The following NKAIN2 variants were observed in gnomAD, a reference collection of about 807,000 sequenced individuals.
The protein encoded by NKAIN2 is sodium/potassium-transporting ATPase subunit beta-1-interacting protein 2.
NKAIN2 carries 14 observed loss-of-function variants against 32.6 expected under a neutral mutation model. That is an observed-to-expected ratio of 0.43 (90% confidence interval 0.28 to 0.67). The LOEUF (loss-of-function observed/expected upper bound fraction) is 0.67, where lower values mean the gene tolerates loss of function less well. Among genes scored for constraint, NKAIN2 ranks in the 30% least tolerant of loss-of-function variants. The pLI, the probability that NKAIN2 is intolerant of heterozygous loss-of-function variation, is 0.17. For missense variants in NKAIN2, 198 were observed against 258.3 expected, an observed-to-expected ratio of 0.77 and a Z score of 1.60; for synonymous variants, 80 against 87.2, an observed-to-expected ratio of 0.92 and a Z score of 0.46.
chr6:124,041,854 C>T (rs1781888232), intron 1 of NKAIN2, among the ~76,000 whole-genome samples: 1 of 151,996 alleles, frequency 6.6e-6, no homozygotes, highest in South Asian at 2.1e-4. Context: ...TAATCAATAG[C>T]TACTCATTGA....
intron 2 of NKAIN2, among the ~76,000 whole-genome samples, chr6:124,329,940 C>G (rs9482537): frequency 0.1 from 15,112 of 149,660 alleles, 764 homozygotes; most frequent in African/African-American, 0.12. Context: ...AATCCATACT[C>G]AGAATATTTC....
intron 4 of NKAIN2, among the ~76,000 whole-genome samples, chr6:124,725,957 T>G (rs554833379): frequency 7.8e-4 from 118 of 152,252 alleles, no homozygotes; most frequent in African/African-American, 2.8e-3. Flanking sequence ...GACGGCACCT[T>G]GAAAATTGGG....
intron 4 of NKAIN2, among the ~76,000 whole-genome samples, chr6:124,724,205 C>T (rs551948894): frequency 9.2e-4 from 140 of 152,166 alleles, no homozygotes; most frequent in African/African-American, 3.1e-3. Context: ...TAAGCCCCTA[C>T]GTTGCTTTTA....
At chr6:124,201,378 G>T (rs942920669) in intron 1 of NKAIN2, among the ~76,000 whole-genome samples, 2 of 151,932 alleles carry the variant, frequency 1.3e-5, no homozygotes, top group East Asian at 3.9e-4. Context: ...AGTTTTAAAG[G>T]CATCCTTTAG....
intron 3 of NKAIN2, among the ~76,000 whole-genome samples, chr6:124,374,870 T>C (rs1799915802): frequency 6.6e-6 from 1 of 152,104 alleles, no homozygotes; most frequent in African/African-American, 2.4e-5. Context: ...GATAATAATA[T>C]ATTAATAGTT....
intron 3 of NKAIN2, among the ~76,000 whole-genome samples, chr6:124,655,276 A>G (rs1325374366): frequency 6.6e-6 from 1 of 152,086 alleles, no homozygotes; most frequent in Non-Finnish European, 1.5e-5. Context: ...TCAGTTCTGA[A>G]TTGAGTATCC....
chr6:124,351,913 G>A (rs139687160), intron 2 of NKAIN2, among the ~76,000 whole-genome samples: 3,572 of 152,112 alleles, frequency 0.023, 73 homozygotes, highest in Non-Finnish European at 0.04. Flanking sequence ...GAGCCACCGC[G>A]CCCGACCCTA....
intron 3 of NKAIN2, among the ~76,000 whole-genome samples, chr6:124,385,712 T>C (rs1387738619): frequency 6.6e-6 from 1 of 152,094 alleles, no homozygotes; most frequent in East Asian, 1.9e-4. Flanking sequence ...CATCTATCTT[T>C]ATGTTCTATA....
chr6:124,660,088 A>G (rs913501633), intron 4 of NKAIN2, among the ~76,000 whole-genome samples: 2 of 152,180 alleles, frequency 1.3e-5, no homozygotes, highest in Non-Finnish European at 2.9e-5. Flanking sequence ...AATCATTATC[A>G]CATGAGAAAA....
At chr6:124,054,404 G>C (rs772897043) in intron 1 of NKAIN2, among the ~76,000 whole-genome samples, 1 of 152,030 alleles carries the variant, frequency 6.6e-6, no homozygotes, top group Non-Finnish European at 1.5e-5. Flanking sequence ...TTGAGAATTG[G>C]ACCAAGGGCC....
intron 4 of NKAIN2, among the ~76,000 whole-genome samples, chr6:124,682,079 A>G (rs1358401799): frequency 6.6e-6 from 1 of 152,134 alleles, no homozygotes; most frequent in Non-Finnish European, 1.5e-5. Context: ...TCAAGTTCCA[A>G]AAATATTTCT....
chr6:124,664,647 A>G (rs568721738), intron 4 of NKAIN2, among the ~76,000 whole-genome samples: 200 of 150,238 alleles, frequency 1.3e-3, no homozygotes, highest in Non-Finnish European at 2.1e-3. Flanking sequence ...ACAAAAAATT[A>G]GCCGGGCGTA....
chr6:124,333,699 A>G (rs111922189), intron 2 of NKAIN2, among the ~76,000 whole-genome samples: 4,507 of 152,000 alleles, frequency 0.03, 100 homozygotes, highest in African/African-American at 0.055. Flanking sequence ...AAATAAATAA[A>G]ATAAACTTAA....
intron 4 of NKAIN2, among the ~76,000 whole-genome samples, chr6:124,783,802 A>G (rs377066710): frequency 1.5e-4 from 23 of 152,330 alleles, no homozygotes; most frequent in African/African-American, 5.3e-4. Context: ...GCAAGTAAAA[A>G]TCATCTGCAA....
chr6:123,935,718 T>C (rs1157985909), intron 1 of NKAIN2, among the ~76,000 whole-genome samples: 2 of 152,096 alleles, frequency 1.3e-5, no homozygotes, highest in East Asian at 3.9e-4. Context: ...TAAAAGGTCT[T>C]TAAGTTCTAA....
chr6:124,417,795 G>T (rs1482945861), intron 3 of NKAIN2, among the ~76,000 whole-genome samples: 2 of 152,100 alleles, frequency 1.3e-5, no homozygotes, highest in South Asian at 2.1e-4. Flanking sequence ...AAATTCCAGG[G>T]TCTCTTTCAC....
intron 1 of NKAIN2, among the ~76,000 whole-genome samples, chr6:124,169,412 G>A (rs747708964): frequency 6.6e-6 from 1 of 152,116 alleles, no homozygotes; most frequent in Non-Finnish European, 1.5e-5. Context: ...AAAATGCCAA[G>A]CAGTGGGATT....
chr6:123,804,865 T>C (rs1773150667), intron 1 of NKAIN2, among the ~76,000 whole-genome samples: 1 of 152,188 alleles, frequency 6.6e-6, no homozygotes, highest in Non-Finnish European at 1.5e-5. Flanking sequence ...AACACCATTG[T>C]CATAGACGGA....
At chr6:124,507,390 A>C (rs542329388) in intron 3 of NKAIN2, among the ~76,000 whole-genome samples, 2 of 152,340 alleles carry the variant, frequency 1.3e-5, no homozygotes, top group African/African-American at 4.8e-5. Context: ...TTTCTATTAC[A>C]GAGCTTTAGA....
Sources: gnomAD v4.1 joint callset for allele counts (sites outside exome capture counted in the v4.1 genomes callset) on GRCh38, gnomAD v4.1.1 for gene constraint, MANE v1.5 for transcripts, NCBI Gene and HGNC (gene_info 2026-07-23, HGNC 2026-07-21) for gene names.